ASTN2: variants seen among roughly 807,000 people sequenced by gnomAD.
ASTN2 encodes astrotactin 2, also known as astrotactin-2.
Under a neutral mutation model 139.8 loss-of-function variants are expected in ASTN2, and 54 were observed. The observed-to-expected ratio is 0.39, with a 90% CI of 0.31 to 0.48. ASTN2 has a LOEUF of 0.48. Among genes scored for constraint, ASTN2 ranks in the 20% least tolerant of loss-of-function variants. The pLI is 0.95. For missense variants in ASTN2, 1,565 were observed against 1,725.1 expected, an observed-to-expected ratio of 0.91 and a Z score of 1.64; for synonymous variants, 756 against 719.5, an observed-to-expected ratio of 1.05 and a Z score of -0.81.
chr9:116,711,161 T>G (rs1340242043), intron 16 of ASTN2, among the ~76,000 whole-genome samples: 1 of 152,236 alleles, frequency 6.6e-6, no homozygotes, highest in Non-Finnish European at 1.5e-5. Flanking sequence ...GCAACAACCC[T>G]GAAAGTGTGT....
At chr9:117,383,000 G>T (rs181015570) in intron 1 of ASTN2, among the ~76,000 whole-genome samples, 1 of 152,222 alleles carries the variant, frequency 6.6e-6, no homozygotes, top group East Asian at 1.9e-4. Context: ...TTAGGCTTTG[G>T]GGACCAGAGA....
rs553249869 is a variant in ASTN2 at position 116,783,511 on chromosome 9, C to T, written c.2396+22121G>A. The stretch of plus-strand genomic sequence containing the variant: ...ACAATTAGCATGTAGTGAGCATCTA[C>T]TATGCATCTGTTGCTTTAAACATTG... On this transcript the variant is annotated intron_variant, in intron 13 of 22. Coordinates refer to ENST00000313400, the MANE Select transcript of ASTN2 (RefSeq NM_001365068.1). 2.0e-5 allele frequency among the ~76,000 whole-genome samples: 3 copies of T among 152,290 alleles called. No individual in the cohort carries two copies. The South Asian group carries it at 6.2e-4, about 32-fold the overall frequency.
chr9:117,316,061 G>A (rs1188028337), intron 1 of ASTN2, among the ~76,000 whole-genome samples: 2 of 152,292 alleles, frequency 1.3e-5, no homozygotes, highest in East Asian at 3.9e-4. Context: ...TCTTGCAGAT[G>A]AAAAAACTAA....
At chr9:116,659,168 A>T (rs1183199103) in intron 16 of ASTN2, among the ~76,000 whole-genome samples, 3 of 151,782 alleles carry the variant, frequency 2.0e-5, no homozygotes, top group Non-Finnish European at 2.9e-5. Flanking sequence ...TCATTATAGT[A>T]CATGTCACGT....
intron 20 of ASTN2, among the ~76,000 whole-genome samples, chr9:116,481,777 G>C (rs1226799209): frequency 6.6e-6 from 1 of 152,174 alleles, no homozygotes; most frequent in African/African-American, 2.4e-5. Flanking sequence ...GCTGTGATCT[G>C]AGTCTTCGGC....
chr9:117,130,789 G>T (rs1829809659), intron 4 of ASTN2, among the ~76,000 whole-genome samples: 1 of 152,082 alleles, frequency 6.6e-6, no homozygotes, highest in African/African-American at 2.4e-5. Context: ...GCAGAATTGA[G>T]ATTTTTCTAT....
At chr9:117,202,193 T>C (rs1438502886) in intron 3 of ASTN2, among the ~76,000 whole-genome samples, 2 of 152,154 alleles carry the variant, frequency 1.3e-5, no homozygotes, top group Admixed American at 1.3e-4. Context: ...ATTTGCTTGG[T>C]AAATCTTCCT....
intron 10 of ASTN2, among the ~76,000 whole-genome samples, chr9:116,940,545 GA>G (rs1365868081): frequency 2.6e-5 from 4 of 151,980 alleles, no homozygotes; most frequent in South Asian, 4.1e-4. Context: ...GTTTAAGAGT[GA>G]AAAAAACTAT....
At chr9:117,042,233 C>G (rs954440923) in intron 5 of ASTN2, among the ~76,000 whole-genome samples, 1 of 152,152 alleles carries the variant, frequency 6.6e-6, no homozygotes, top group African/African-American at 2.4e-5. Flanking sequence ...GAACAAGAAC[C>G]GTTACAACAG....
chr9:117,116,447 A>G (rs1412145471), intron 4 of ASTN2, among the ~76,000 whole-genome samples: 1 of 152,178 alleles, frequency 6.6e-6, no homozygotes, highest in East Asian at 1.9e-4. Context: ...TATCATGTGC[A>G]TCTTTCTGGC....
chr9:116,903,038 C>T (rs1564332233), intron 10 of ASTN2, among the ~76,000 whole-genome samples: 1 of 152,176 alleles, frequency 6.6e-6, no homozygotes. Context: ...TTTGCACTTG[C>T]TGTTGTTCTC....
intron 13 of ASTN2, among the ~76,000 whole-genome samples, chr9:116,777,021 TA>T (rs1830101800): frequency 6.6e-6 from 1 of 152,180 alleles, no homozygotes; most frequent in Non-Finnish European, 1.5e-5. Flanking sequence ...AAAAATTGAA[TA>T]GCATTTCTTG....
At chr9:116,779,595 C>A (rs1027010277) in intron 13 of ASTN2, among the ~76,000 whole-genome samples, 1 of 152,160 alleles carries the variant, frequency 6.6e-6, no homozygotes, top group Non-Finnish European at 1.5e-5. Context: ...CCCGACAGGG[C>A]CTATCTACCA....
At chr9:116,815,828 A>AAAAAAAAAAAAAAAAAAAAAAAAAG (rs1554750237) in intron 12 of ASTN2, among the ~76,000 whole-genome samples, 1 of 145,878 alleles carries the variant, frequency 6.9e-6, no homozygotes. Context: ...AAAAAAAAAA[A>AAAAAAAAAAAAAAAAAAAAAAAAAG]GTTGATGAAA....
At chr9:117,181,695 A>C (rs1564464786) in intron 3 of ASTN2, among the ~76,000 whole-genome samples, 1 of 152,190 alleles carries the variant, frequency 6.6e-6, no homozygotes, top group East Asian at 1.9e-4. Flanking sequence ...AGGGCTAATG[A>C]TGATACCATA....
At chr9:116,527,764 A>G (rs983906035) in intron 19 of ASTN2, among the ~76,000 whole-genome samples, 1 of 152,034 alleles carries the variant, frequency 6.6e-6, no homozygotes, top group African/African-American at 2.4e-5. Flanking sequence ...GGTCACCCCC[A>G]TGCTGTTCTC....
intron 14 of ASTN2, among the ~76,000 whole-genome samples, chr9:116,731,457 C>A (rs1051376113): frequency 6.6e-6 from 1 of 151,910 alleles, no homozygotes; most frequent in Non-Finnish European, 1.5e-5. Context: ...AGTTTCACTC[C>A]TGTTGCCCAT....
chr9:117,361,318 G>A (rs1038353562), intron 1 of ASTN2, among the ~76,000 whole-genome samples: 3 of 152,132 alleles, frequency 2.0e-5, no homozygotes, highest in African/African-American at 7.2e-5. Context: ...GTGGGAGGCG[G>A]CCAGCATAGC....
intron 20 of ASTN2, among the ~76,000 whole-genome samples, chr9:116,472,650 T>C (rs1329671962): frequency 1.3e-5 from 2 of 151,552 alleles, no homozygotes; most frequent in Admixed American, 6.6e-5. Flanking sequence ...ATACCTGTAA[T>C]CCCAGCACCT....
Sources: gnomAD v4.1 joint callset for allele counts (sites outside exome capture counted in the v4.1 genomes callset) on GRCh38, gnomAD v4.1.1 for gene constraint, MANE v1.5 for transcripts, NCBI Gene and HGNC (gene_info 2026-07-23, HGNC 2026-07-21) for gene names.